ANKRD36B: variants seen among roughly 807,000 people sequenced by gnomAD.
The protein encoded by ANKRD36B is ankyrin repeat domain 36B.
Under a neutral mutation model 135.7 loss-of-function variants are expected in ANKRD36B, and 37 were observed. That is an observed-to-expected ratio of 0.27 (90% CI 0.21 to 0.36). ANKRD36B has a LOEUF of 0.36. ANKRD36B is among the 10% of genes least tolerant of loss of function. The pLI is 1.00. For synonymous variants in ANKRD36B, 179 were observed against 348.1 expected (o/e 0.51, Z 5.41); for missense variants, 549 against 1,037.1 (o/e 0.53, Z 6.46).
chr2:97,545,463 A>G (rs1204835785), intron 24 of ANKRD36B, among the ~76,000 whole-genome samples: 1 of 95,772 alleles, frequency 1.0e-5, no homozygotes, highest in African/African-American at 3.1e-5. Context: ...ATTTCAAAGT[A>G]CAGACATCTA....
At chr2:97,557,474 G>A (rs1368034162) in intron 10 of ANKRD36B, among the ~76,000 whole-genome samples, 5 of 151,748 alleles carry the variant, frequency 3.3e-5, no homozygotes, top group African/African-American at 1.2e-4. Flanking sequence ...AGGAATCAAT[G>A]TCAAAGAAGG....
At chr2:97,562,555 T>A (rs1307617817) in intron 6 of ANKRD36B, among the ~76,000 whole-genome samples, 1 of 152,000 alleles carries the variant, frequency 6.6e-6, no homozygotes, top group Non-Finnish European at 1.5e-5. Context: ...TTAAGTGACT[T>A]CCCACAAGTC....
At chr2:97,552,875 A>AACAGCAAATGTAGAAC (rs1450510187) in intron 16 of ANKRD36B, among the ~76,000 whole-genome samples, 11 of 151,946 alleles carry the variant, frequency 7.2e-5, no homozygotes, top group Admixed American at 7.2e-4. Context: ...TGTAGAATTA[A>AACAGCAAATGTAGAAC]AGCAAAACTA....
intron 36 of ANKRD36B, among the ~76,000 whole-genome samples, chr2:97,522,247 A>G: frequency 1.2e-5 from 1 of 81,654 alleles, no homozygotes; most frequent in African/African-American, 3.8e-5. Flanking sequence ...AAAAACTGGC[A>G]AAAATACCCT....
rs576275737 is a variant in ANKRD36B at position 97,578,980 on chromosome 2, G to A, written c.621C>T (p.His207=). The A allele has an allele frequency of 1.5e-5, 24 of 1,612,702 alleles. No individual in the cohort carries two copies. Among genetic ancestry groups the A allele is most frequent in the Non-Finnish European group, 2.0e-5 (23 of 1,179,194 alleles). Residue 207 remains histidine (H), a synonymous_variant, in exon 5 of 44, where the codon CAC becomes CAT. Transcript: ENST00000359901. ...EKDIVILLLQ[H]NIDVFSRDVY... is the part of the protein sequence containing the mutation. ...CATCTCGAGAAAACACATCAATATT[G>A]TGCTGCAGAAGAAGAATGACTATAT...
At chr2:97,496,709 C>T (rs1458914753) in intron 43 of ANKRD36B, among the ~76,000 whole-genome samples, 2 of 72,488 alleles carry the variant, frequency 2.8e-5, no homozygotes, top group Admixed American at 2.2e-4. Context: ...GAAAACACAT[C>T]GTTTACAGTA....
At position 97,545,486 on chromosome 2, in the gene ANKRD36B, T is replaced by C. The variant is rs2079371404; in HGVS notation, c.1681+180A>G. Among the ~76,000 whole-genome samples, 4 of 95,812 alleles carry C rather than the reference T, an allele frequency of 4.2e-5. 1 individual carries two copies. In the South Asian group the frequency reaches 9.4e-4, roughly 23 times the overall value. The allele number at this position is 95,812 out of a possible 152,430, so 62.9% of individuals were successfully genotyped here. ...GTACAGACATCTAAAATCTTAGTAC[T>C]TTCAGCATGGACAAGGACCACAGCA... On this transcript the variant is annotated intron_variant, in intron 24 of 43. Coordinates refer to ENST00000359901, the MANE Select transcript of ANKRD36B (RefSeq NM_001393939.1).
rs374116834 is a variant in ANKRD36B at position 97,547,827 on chromosome 2, C to T, written c.1478-96G>A. 45 of 1,487,436 alleles carry T rather than the reference C, an allele frequency of 3.0e-5. No individual in the cohort carries two copies. In the South Asian group the frequency reaches 5.1e-4, roughly 17 times the overall value. The allele number at this position is 1,487,436 out of a possible 1,614,324, so 92.1% of individuals were successfully genotyped here. ...GTTAGCATCAACCTCTGTCTTCCTG[C>T]CTGTATTAGCATAGGCTTTGATGGC... is the stretch of plus-strand genomic sequence containing the variant. On this transcript the variant is annotated intron_variant, in intron 20 of 43. Coordinates refer to ENST00000359901, the MANE Select transcript of ANKRD36B (RefSeq NM_001393939.1).
intron 6 of ANKRD36B, among the ~76,000 whole-genome samples, chr2:97,572,360 A>C (rs1031835381): frequency 6.8e-6 from 1 of 146,234 alleles, no homozygotes; most frequent in Non-Finnish European, 1.5e-5. Context: ...ATTCCAGCTA[A>C]GTAACAGATT....
At position 97,543,519 on chromosome 2, in the gene ANKRD36B, G is replaced by A. The variant is rs537925305; in HGVS notation, c.1783+271C>T. Among the ~76,000 whole-genome samples the A allele has an allele frequency of 3.3e-4, 32 of 97,152 alleles. 5 individuals are homozygous for A. Among genetic ancestry groups the A allele is most frequent in the Admixed American group, 2.5e-3 (27 of 10,852 alleles). The allele number at this position is 97,152 out of a possible 152,430, so 63.7% of individuals were successfully genotyped here. ...TGCTGTAGAATTAAAGCAAAATTAT[G>A]CTGTTCCCCTGAGCCCCTTATGTCT... On this transcript the variant is annotated intron_variant, in intron 26 of 43. Coordinates refer to ENST00000359901, the MANE Select transcript of ANKRD36B (RefSeq NM_001393939.1).
chr2:97,551,841 T>C (rs1214064885), intron 16 of ANKRD36B, among the ~76,000 whole-genome samples: 14 of 151,922 alleles, frequency 9.2e-5, no homozygotes, highest in Non-Finnish European at 1.8e-4. Context: ...TGCTACATGA[T>C]CCCACATGTC....
At chr2:97,574,511 G>A (rs549980242) in intron 6 of ANKRD36B, among the ~76,000 whole-genome samples, 1 of 152,066 alleles carries the variant, frequency 6.6e-6, no homozygotes, top group Non-Finnish European at 1.5e-5. Flanking sequence ...ACTAGAAATA[G>A]CATTTGACCC....
chr2:97,564,267 G>T (rs1237197099), intron 6 of ANKRD36B, among the ~76,000 whole-genome samples: 2 of 151,948 alleles, frequency 1.3e-5, no homozygotes, highest in African/African-American at 4.8e-5. Flanking sequence ...TGTCTTAAAG[G>T]CTATGTCTAC....
intron 8 of ANKRD36B, 123 bp downstream of exon 8, chr2:97,560,542 G>A (rs77143397): frequency 6.4e-6 from 9 of 1,399,796 alleles, no homozygotes; most frequent in South Asian, 6.3e-5. Context: ...TACAAATGAA[G>A]AATCTCAGGT....
chr2:97,550,168 A>T (rs6756443), intron 18 of ANKRD36B, among the ~76,000 whole-genome samples: 72,252 of 133,438 alleles, frequency 0.54, 22,718 homozygotes, highest in Non-Finnish European at 0.67. Context: ...TGCTGATACC[A>T]AGTAGATAAT....
chr2:97,556,100 A>G (rs2595332), intron 12 of ANKRD36B, among the ~76,000 whole-genome samples: 1 of 151,832 alleles, frequency 6.6e-6, no homozygotes, highest in Non-Finnish European at 1.5e-5. Context: ...AAATTAGTCT[A>G]CTCTGGAATA....
At chr2:97,565,173 G>A (rs1470722330) in intron 6 of ANKRD36B, among the ~76,000 whole-genome samples, 1 of 151,972 alleles carries the variant, frequency 6.6e-6, no homozygotes, top group Non-Finnish European at 1.5e-5. Context: ...TCTATTACTG[G>A]TGTATAGGAA....
chr2:97,525,270 C>T (rs1431695700), intron 35 of ANKRD36B, among the ~76,000 whole-genome samples: 1 of 96,706 alleles, frequency 1.0e-5, no homozygotes, highest in African/African-American at 3.1e-5. Flanking sequence ...ACTATAAAGG[C>T]ACTGTCACTT....
At chr2:97,574,903 T>C (rs2082127196) in intron 6 of ANKRD36B, among the ~76,000 whole-genome samples, 1 of 152,094 alleles carries the variant, frequency 6.6e-6, no homozygotes, top group African/African-American at 2.4e-5. Context: ...GCACGTAGCT[T>C]CTGCAGTTAC....
Sources: gnomAD v4.1 joint callset for allele counts (sites outside exome capture counted in the v4.1 genomes callset) on GRCh38, gnomAD v4.1.1 for gene constraint, MANE v1.5 for transcripts, NCBI Gene and HGNC (gene_info 2026-07-23, HGNC 2026-07-21) for gene names.